NCF2: variants seen among roughly 807,000 people sequenced by gnomAD.
NCF2 encodes the protein neutrophil cytosolic factor 2.
NCF2 carries 45 observed loss-of-function variants against 70.9 expected under a neutral mutation model. The ratio of observed to expected loss-of-function variants is 0.63; its 90% CI spans 0.50 to 0.81. The LOEUF (loss-of-function observed/expected upper bound fraction) is 0.81. NCF2 is among the 40% of genes least tolerant of loss of function. The pLI is 0.00. For synonymous variants in NCF2, 203 were observed against 233.6 expected (o/e 0.87, Z 1.19); for missense variants, 522 against 631.6 (o/e 0.83, Z 1.86).
the NCF2 span, among the ~76,000 whole-genome samples, chr1:183,600,284 G>A: frequency 6.6e-6 from 1 of 152,220 alleles, no homozygotes; most frequent in Admixed American, 6.5e-5. Context: ...TGCAAGCTCA[G>A]TATGAGTCAA....
upstream of NCF2, among the ~76,000 whole-genome samples, chr1:183,595,008 G>GCTAAA (rs1387094670): frequency 6.6e-6 from 1 of 152,196 alleles, no homozygotes; most frequent in Non-Finnish European, 1.5e-5. Context: ...CGTAGTAGCT[G>GCTAAA]CTCCGTGATC....
At chr1:183,556,308 T>TTTG (rs891242914) in intron 14 of NCF2, 78 bp from the exon 15 acceptor site, 68 of 1,308,510 alleles carry the variant, frequency 5.2e-5, no homozygotes, top group Non-Finnish European at 6.5e-5. Flanking sequence ...CCACACAGAA[T>TTTG]TTGTTATCTG....
At chr1:183,583,588 G>A (rs1673209630) in intron 2 of NCF2, among the ~76,000 whole-genome samples, 1 of 152,180 alleles carries the variant, frequency 6.6e-6, no homozygotes, top group African/African-American at 2.4e-5. Flanking sequence ...GCTAGATACT[G>A]AAATACAAGC....
At chr1:183,590,669 G>GTCA, upstream of NCF2, 1 of 369,984 alleles carries the variant, frequency 2.7e-6, no homozygotes, top group Non-Finnish European at 5.2e-6. Flanking sequence ...CTTCTGCTCT[G>GTCA]TCACCCAGCT....
the NCF2 span, among the ~76,000 whole-genome samples, chr1:183,601,774 C>T: frequency 0.1 from 15,171 of 150,720 alleles, 955 homozygotes; most frequent in African/African-American, 0.17. Context: ...AGAAGAATGG[C>T]GTGAACCCAG....
At chr1:183,567,638 G>T in intron 7 of NCF2, 1 of 469,550 alleles carries the variant, frequency 2.1e-6, no homozygotes, top group Non-Finnish European at 3.9e-6. Flanking sequence ...TGAGGAGGAA[G>T]GTCCCTGGCT....
At chr1:183,569,083 T>G in intron 7 of NCF2, 59 bp downstream of exon 7, 1 of 1,517,190 alleles carries the variant, frequency 6.6e-7, no homozygotes, top group Non-Finnish European at 9.2e-7. Flanking sequence ...CTCCCTTTCT[T>G]GCCATCAGCT....
At chr1:183,592,945 T>G (rs766916224), upstream of NCF2, among the ~76,000 whole-genome samples, 1 of 152,158 alleles carries the variant, frequency 6.6e-6, no homozygotes, top group African/African-American at 2.4e-5. Flanking sequence ...TGTCTGCACC[T>G]TCAAACCCAC....
chr1:183,598,305 A>T, the NCF2 span: 1 of 152,256 alleles, frequency 6.6e-6, no homozygotes, highest in African/African-American at 2.4e-5. Context: ...TACAAAGTGA[A>T]AAATAGATGT....
intron 9 of NCF2, among the ~76,000 whole-genome samples, chr1:183,566,186 C>G (rs1315732977): frequency 3.3e-5 from 5 of 152,172 alleles, no homozygotes; most frequent in African/African-American, 1.2e-4. Flanking sequence ...TGGTGACTGA[C>G]CAGGGAGGGC....
upstream of NCF2, among the ~76,000 whole-genome samples, chr1:183,592,387 T>G (rs542053305): frequency 5.7e-4 from 87 of 152,322 alleles, no homozygotes; most frequent in African/African-American, 2.0e-3. Flanking sequence ...AGCCCTGAAC[T>G]CTGGGTAGTA....
chr1:183,590,072 G>A, intron 1 of NCF2, 84 bp downstream of exon 1: 1 of 1,588,960 alleles, frequency 6.3e-7, no homozygotes, highest in Non-Finnish European at 8.6e-7. Context: ...TCTCCCCAGA[G>A]GTTAGGTTTC....
chr1:183,582,181 G>T (rs1673148131), intron 2 of NCF2, among the ~76,000 whole-genome samples: 1 of 152,330 alleles, frequency 6.6e-6, no homozygotes, highest in East Asian at 1.9e-4. Context: ...AGCGCTGTGT[G>T]CCAGTGGGCC....
chr1:183,581,547 T>A (rs2102921784), intron 2 of NCF2, among the ~76,000 whole-genome samples: 1 of 152,046 alleles, frequency 6.6e-6, no homozygotes, highest in African/African-American at 2.4e-5. Context: ...CAGGCTGGTC[T>A]CGAACTCCTG....
upstream of NCF2, chr1:183,590,770 C>G (rs1240091194): frequency 1.2e-5 from 3 of 243,632 alleles, no homozygotes; most frequent in Non-Finnish European, 2.5e-5. Flanking sequence ...AGAGGCACCT[C>G]CCTGGTGATA....
intron 2 of NCF2, among the ~76,000 whole-genome samples, chr1:183,581,350 G>T (rs1391649861): frequency 6.6e-6 from 1 of 150,972 alleles, no homozygotes; most frequent in African/African-American, 2.4e-5. Flanking sequence ...ACAGGGTGGG[G>T]CCAGGGGCTG....
At chr1:183,594,016 G>C (rs1673731240), upstream of NCF2, among the ~76,000 whole-genome samples, 1 of 152,224 alleles carries the variant, frequency 6.6e-6, no homozygotes. Context: ...ATAATCATGA[G>C]GGGAGACAAC....
In NCF2 at chr1:183,556,989, C is replaced by T. The variant is rs1264307187; in HGVS notation, c.1469-759G>A. Among the ~76,000 whole-genome samples, 5 of 152,146 alleles carry T rather than the reference C, an allele frequency of 3.3e-5. No homozygotes were observed. In the East Asian group the frequency reaches 7.7e-4, roughly 23 times the overall value. The stretch of plus-strand genomic sequence containing the variant: ...ACTCCATTAAACAGGTGAGCTGGAG[C>T]TAGTGATGGGTTAGTACATGTTTGT... On this transcript the variant is annotated intron_variant, in intron 14 of 14. Coordinates refer to ENST00000367535, the MANE Select transcript of NCF2 (RefSeq NM_000433.4).
At chr1:183,574,416 A>T in intron 4 of NCF2, 71 bp downstream of exon 4, 1 of 1,604,182 alleles carries the variant, frequency 6.2e-7, no homozygotes, top group South Asian at 1.1e-5. Context: ...TGGCTTCTCA[A>T]TGGCATGTCC....
Sources: gnomAD v4.1 joint callset for allele counts (sites outside exome capture counted in the v4.1 genomes callset) on GRCh38, gnomAD v4.1.1 for gene constraint, MANE v1.5 for transcripts, NCBI Gene and HGNC (gene_info 2026-07-23, HGNC 2026-07-21) for gene names.